PIBF1: variants seen among roughly 807,000 people sequenced by gnomAD.
PIBF1 encodes the protein progesterone-induced-blocking factor 1.
Under a neutral mutation model 112.5 loss-of-function variants are expected in PIBF1, and 90 were observed. The ratio of observed to expected loss-of-function variants is 0.80; its 90% CI spans 0.67 to 0.95. PIBF1 has a LOEUF of 0.95. Ranked by LOEUF, PIBF1 falls within the 40% of genes least tolerant of loss-of-function variation. The pLI is 0.00. For synonymous variants in PIBF1, 301 were observed against 288.6 expected (o/e 1.04, Z -0.44); for missense variants, 915 against 852.3 (o/e 1.07, Z -0.92).
chr13:72,995,542 CT>C (rs1004437078), intron 16 of PIBF1, among the ~76,000 whole-genome samples: 9 of 152,188 alleles, frequency 5.9e-5, no homozygotes, highest in African/African-American at 2.2e-4. Context: ...AAAAAATGGT[CT>C]CTTCAGTACA....
At chr13:73,002,171 TACTC>T (rs796791421) in intron 17 of PIBF1, among the ~76,000 whole-genome samples, 2 of 152,286 alleles carry the variant, frequency 1.3e-5, no homozygotes, top group African/African-American at 2.4e-5. Context: ...ACAAAGCAGA[TACTC>T]AATAAATATT....
intron 10 of PIBF1, among the ~76,000 whole-genome samples, chr13:72,888,549 T>C (rs1375093114): frequency 6.6e-6 from 1 of 152,152 alleles, no homozygotes; most frequent in Non-Finnish European, 1.5e-5. Context: ...TAGGATGATC[T>C]TTGAAGCACT....
intron 14 of PIBF1, among the ~76,000 whole-genome samples, chr13:72,936,672 A>G (rs1010046017): frequency 2.6e-5 from 4 of 152,112 alleles, no homozygotes; most frequent in Non-Finnish European, 4.4e-5. Context: ...ATACCACACT[A>G]TCTTGATTGC....
At chr13:72,966,789 G>T (rs1283022624) in intron 15 of PIBF1, among the ~76,000 whole-genome samples, 1 of 151,956 alleles carries the variant, frequency 6.6e-6, no homozygotes, top group Non-Finnish European at 1.5e-5. Context: ...CATGCCTGTA[G>T]TCCCAGCCAC....
chr13:72,956,676 G>A (rs1386981758), intron 14 of PIBF1, among the ~76,000 whole-genome samples: 2 of 152,152 alleles, frequency 1.3e-5, no homozygotes, highest in African/African-American at 4.8e-5. Context: ...TTTAGCTGAT[G>A]TCTTCATCTT....
chr13:72,883,034 TC>T (rs1370323659), intron 10 of PIBF1, among the ~76,000 whole-genome samples: 39 of 152,284 alleles, frequency 2.6e-4, no homozygotes, highest in African/African-American at 8.2e-4. Context: ...TATCTGCACT[TC>T]CATACTTATT....
At chr13:72,803,708 ATATATT>A (rs1467882782) in intron 5 of PIBF1, among the ~76,000 whole-genome samples, 1 of 152,222 alleles carries the variant, frequency 6.6e-6, no homozygotes, top group African/African-American at 2.4e-5. Flanking sequence ...CAACTGAAGA[ATATATT>A]TATAAGTGAG....
At chr13:72,837,178 G>A (rs763272404) in intron 9 of PIBF1, among the ~76,000 whole-genome samples, 64 of 151,992 alleles carry the variant, frequency 4.2e-4, no homozygotes, top group Non-Finnish European at 8.2e-4. Flanking sequence ...GTGCATGCCA[G>A]AAGAAATTAT....
At chr13:72,784,459 A>G (rs2034482956) in intron 2 of PIBF1, among the ~76,000 whole-genome samples, 1 of 148,356 alleles carries the variant, frequency 6.7e-6, no homozygotes, top group Admixed American at 6.8e-5. Flanking sequence ...AGTAATAATA[A>G]TAATAATAAT....
At position 72,854,139 on chromosome 13, in the gene PIBF1, G is replaced by T. The variant is rs528697307; in HGVS notation, c.1306G>T (p.Asp436Tyr). 3 of 1,605,852 alleles carry T rather than the reference G, an allele frequency of 1.9e-6. No homozygotes were observed. The highest frequency in any genetic ancestry group is 4.5e-5 in the East Asian group (2 of 44,826). ...TGAAAAGGATGCTTTAGAAAAACAC[G>T]ATCAGCTCTTAGACAGGTAAGCATC... ...MAEKDALEKH[D>Y]QLLDRYRELQ... The change falls in exon 10 of 18, where the codon GAT becomes TAT. Residue 436 changes from aspartate (D) to tyrosine (Y), a missense_variant. Physicochemically the swap from Asp to Tyr is radical, Grantham distance 160. Transcript: ENST00000326291.
intron 14 of PIBF1, among the ~76,000 whole-genome samples, chr13:72,964,242 A>T (rs1358812551): frequency 6.6e-6 from 1 of 152,244 alleles, no homozygotes; most frequent in African/African-American, 2.4e-5. Context: ...CAAAGGACAA[A>T]TATTGTGTTA....
At chr13:72,933,820 C>A (rs916645931) in intron 14 of PIBF1, among the ~76,000 whole-genome samples, 1 of 152,134 alleles carries the variant, frequency 6.6e-6, no homozygotes, top group Non-Finnish European at 1.5e-5. Flanking sequence ...GAGAAAAAGA[C>A]TTAAATGCTG....
At chr13:72,938,428 G>A (rs1239829003) in intron 14 of PIBF1, among the ~76,000 whole-genome samples, 1 of 151,992 alleles carries the variant, frequency 6.6e-6, no homozygotes, top group South Asian at 2.1e-4. Flanking sequence ...TGCCTGTTCT[G>A]GATATGTTAT....
chr13:72,859,680 T>C (rs1193010492), intron 10 of PIBF1, among the ~76,000 whole-genome samples: 1 of 152,160 alleles, frequency 6.6e-6, no homozygotes, highest in African/African-American at 2.4e-5. Context: ...AGAAAACCTA[T>C]GGTTTATAGG....
intron 14 of PIBF1, among the ~76,000 whole-genome samples, chr13:72,943,771 A>G (rs776506224): frequency 2.6e-5 from 4 of 152,200 alleles, no homozygotes; most frequent in African/African-American, 7.2e-5. Context: ...GACATGCCCC[A>G]GGGTTCTACC....
At chr13:73,002,314 CA>C (rs2043897289) in intron 17 of PIBF1, among the ~76,000 whole-genome samples, 1 of 152,138 alleles carries the variant, frequency 6.6e-6, no homozygotes, top group Non-Finnish European at 1.5e-5. Flanking sequence ...CTTCACCTCC[CA>C]TGACTCTAGT....
intron 9 of PIBF1, among the ~76,000 whole-genome samples, chr13:72,842,970 A>G (rs896020755): frequency 2.6e-5 from 4 of 152,184 alleles, no homozygotes; most frequent in African/African-American, 9.7e-5. Context: ...CAAGCTCTGT[A>G]GGGTGTTCCA....
intron 14 of PIBF1, among the ~76,000 whole-genome samples, chr13:72,949,598 T>C (rs1320992878): frequency 6.6e-6 from 1 of 152,218 alleles, no homozygotes; most frequent in Non-Finnish European, 1.5e-5. Flanking sequence ...ATTACAGGCG[T>C]GAGCCACGGC....
At chr13:72,843,663 C>T (rs1021069481) in intron 9 of PIBF1, among the ~76,000 whole-genome samples, 7 of 152,146 alleles carry the variant, frequency 4.6e-5, no homozygotes, top group African/African-American at 1.4e-4. Flanking sequence ...CTACCCACCT[C>T]GGCCTCCCAA....
Sources: allele counts gnomAD v4.1 joint callset (sites outside exome capture counted in the v4.1 genomes callset), GRCh38; gene constraint gnomAD v4.1.1; transcripts MANE v1.5; gene names NCBI Gene and HGNC (gene_info 2026-07-23, HGNC 2026-07-21).